FSTL5: variants seen among roughly 807,000 people sequenced by gnomAD.
The protein encoded by FSTL5 is follistatin-related protein 5.
Under a neutral mutation model 89.1 loss-of-function variants are expected in FSTL5, and 62 were observed. That is an observed-to-expected ratio of 0.70 (90% CI 0.57 to 0.86). The LOEUF (loss-of-function observed/expected upper bound fraction) is 0.86. FSTL5 is among the 40% of genes least tolerant of loss of function. The probability of loss-of-function intolerance (pLI) is 0.00; values close to 1 mark genes in which losing one functional copy is unlikely to be tolerated. For synonymous variants in FSTL5, 383 were observed against 346.2 expected (o/e 1.11, Z -1.18); for missense variants, 1,057 against 1,001.6 (o/e 1.06, Z -0.75).
At chr4:161,748,128 A>C (rs1411161097) in intron 6 of FSTL5, among the ~76,000 whole-genome samples, 1 of 152,160 alleles carries the variant, frequency 6.6e-6, no homozygotes, top group Non-Finnish European at 1.5e-5. Flanking sequence ...TACATGCAAT[A>C]AATAGCTAAT....
chr4:161,779,356 T>G (rs1741538088), intron 4 of FSTL5, among the ~76,000 whole-genome samples: 1 of 152,168 alleles, frequency 6.6e-6, no homozygotes, highest in Non-Finnish European at 1.5e-5. Context: ...TGTGAATTTA[T>G]TAGTTTAGAA....
At chr4:161,452,029 T>C (rs1253107155) in intron 15 of FSTL5, among the ~76,000 whole-genome samples, 1 of 152,188 alleles carries the variant, frequency 6.6e-6, no homozygotes, top group Non-Finnish European at 1.5e-5. Context: ...AAAACTAATA[T>C]TAATTCAACA....
intron 3 of FSTL5, 148 bp downstream of exon 3, chr4:162,033,477 G>C: frequency 1.9e-6 from 1 of 537,942 alleles, no homozygotes; most frequent in Non-Finnish European, 3.3e-6. Context: ...ATCCTCATAG[G>C]GCTCAAAATG....
chr4:161,803,377 G>C (rs1196343768), intron 4 of FSTL5, among the ~76,000 whole-genome samples: 2 of 151,822 alleles, frequency 1.3e-5, no homozygotes, highest in South Asian at 4.1e-4. Flanking sequence ...TACTGACTCA[G>C]CATAATTGTC....
chr4:161,723,800 G>T (rs1164773410), intron 6 of FSTL5, among the ~76,000 whole-genome samples: 1 of 152,038 alleles, frequency 6.6e-6, no homozygotes, highest in Non-Finnish European at 1.5e-5. Context: ...AAACCTTAAA[G>T]AAAACAAACC....
At chr4:161,851,462 A>T (rs979531825) in intron 4 of FSTL5, among the ~76,000 whole-genome samples, 1 of 152,160 alleles carries the variant, frequency 6.6e-6, no homozygotes, top group Non-Finnish European at 1.5e-5. Context: ...GATTTTGGAA[A>T]CGATTTCAGG....
At chr4:161,907,644 A>G (rs558973023) in intron 4 of FSTL5, among the ~76,000 whole-genome samples, 17 of 151,788 alleles carry the variant, frequency 1.1e-4, no homozygotes, top group Admixed American at 2.0e-4. Context: ...TGATACTATC[A>G]CTTACTATCT....
At chr4:161,860,088 AC>A (rs1731854392) in intron 4 of FSTL5, among the ~76,000 whole-genome samples, 1 of 152,126 alleles carries the variant, frequency 6.6e-6, no homozygotes, top group Non-Finnish European at 1.5e-5. Context: ...GGAGATCTAG[AC>A]CATCCTGGCT....
chr4:162,014,345 A>C (rs1036030922), intron 3 of FSTL5, among the ~76,000 whole-genome samples: 1 of 152,216 alleles, frequency 6.6e-6, no homozygotes, highest in Non-Finnish European at 1.5e-5. Flanking sequence ...ATGCTACATA[A>C]TACTACTGAG....
At chr4:161,926,922 A>C (rs1734143157) in intron 3 of FSTL5, among the ~76,000 whole-genome samples, 1 of 151,858 alleles carries the variant, frequency 6.6e-6, no homozygotes, top group Non-Finnish European at 1.5e-5. Flanking sequence ...GAACTACTTT[A>C]ACATTATAAA....
At chr4:161,534,012 C>T (rs569784553) in intron 10 of FSTL5, among the ~76,000 whole-genome samples, 1 of 152,116 alleles carries the variant, frequency 6.6e-6, no homozygotes, top group East Asian at 1.9e-4. Flanking sequence ...CAGGAAAAGC[C>T]TTTGATAAAA....
chr4:161,864,462 T>A (rs112967573), intron 4 of FSTL5, among the ~76,000 whole-genome samples: 3 of 152,208 alleles, frequency 2.0e-5, no homozygotes, highest in Admixed American at 6.5e-5. Flanking sequence ...TAGCAATTAT[T>A]CTAGGGCTGG....
chr4:161,522,105 T>G (rs1578896276), intron 10 of FSTL5, among the ~76,000 whole-genome samples: 1 of 152,124 alleles, frequency 6.6e-6, no homozygotes, highest in East Asian at 1.9e-4. Flanking sequence ...GTTACTATAT[T>G]AATAAGACAG....
intron 6 of FSTL5, among the ~76,000 whole-genome samples, chr4:161,689,637 T>G (rs906197567): frequency 6.6e-6 from 1 of 152,164 alleles, no homozygotes; most frequent in African/African-American, 2.4e-5. Context: ...AGAGGACATT[T>G]TTTTACTGAG....
chr4:161,722,363 GAGTT>G (rs1739246582), intron 6 of FSTL5, among the ~76,000 whole-genome samples: 1 of 152,122 alleles, frequency 6.6e-6, no homozygotes, highest in South Asian at 2.1e-4. Flanking sequence ...TCAAAATAAA[GAGTT>G]AGGTCATCTA....
chr4:161,460,549 C>A (rs1733525874), intron 13 of FSTL5, among the ~76,000 whole-genome samples: 1 of 152,104 alleles, frequency 6.6e-6, no homozygotes, highest in Non-Finnish European at 1.5e-5. Flanking sequence ...TTCTTCTCAG[C>A]ACATTAGTAA....
At chr4:161,987,483 TATAC>T (rs1463659755) in intron 3 of FSTL5, among the ~76,000 whole-genome samples, 6 of 142,974 alleles carry the variant, frequency 4.2e-5, no homozygotes, top group Non-Finnish European at 6.0e-5. Flanking sequence ...TATATATATA[TATAC>T]ATACATATAT....
chr4:162,019,160 A>T (rs1736998818), intron 3 of FSTL5, among the ~76,000 whole-genome samples: 1 of 152,074 alleles, frequency 6.6e-6, no homozygotes, highest in Non-Finnish European at 1.5e-5. Context: ...TCCACAATTG[A>T]GGGAAATGAA....
chr4:161,983,406 T>C (rs921795538), intron 3 of FSTL5, among the ~76,000 whole-genome samples: 16 of 152,178 alleles, frequency 1.1e-4, no homozygotes, highest in Non-Finnish European at 1.6e-4. Flanking sequence ...AGTCAAGTTA[T>C]GTAGTTAGTT....
Sources: allele counts gnomAD v4.1 joint callset (sites outside exome capture counted in the v4.1 genomes callset), GRCh38; gene constraint gnomAD v4.1.1; transcripts MANE v1.5; gene names NCBI Gene and HGNC (gene_info 2026-07-23, HGNC 2026-07-21).